CNTN5: variants seen among roughly 807,000 people sequenced by gnomAD.
The protein encoded by CNTN5 is contactin-5.
Under a neutral mutation model 129.1 loss-of-function variants are expected in CNTN5, and 77 were observed. The ratio of observed to expected loss-of-function variants is 0.60; its 90% confidence interval spans 0.50 to 0.72. The LOEUF (loss-of-function observed/expected upper bound fraction) is 0.72. CNTN5 is among the 30% of genes least tolerant of loss of function. The pLI is 0.00. For missense variants in CNTN5, 1,478 were observed against 1,328.8 expected (o/e 1.11, Z -1.75); for synonymous variants, 509 against 465.6 (o/e 1.09, Z -1.20).
intron 1 of CNTN5, among the ~76,000 whole-genome samples, chr11:99,116,990 A>G (rs1203859195): frequency 6.6e-6 from 1 of 152,184 alleles, no homozygotes; most frequent in African/African-American, 2.4e-5. Context: ...GATATACTAT[A>G]TGGCAGTCAA....
Position 100,314,502 on chromosome 11 carries a change from A to G in CNTN5, c.2730+6034A>G, listed in dbSNP as rs368259291. Among the ~76,000 whole-genome samples, 73 of 152,214 alleles carry G rather than the reference A, an allele frequency of 4.8e-4. 3 individuals are homozygous for G. The South Asian group carries it at 8.9e-3, about 19-fold the overall frequency. On this transcript the variant is annotated intron_variant, in intron 21 of 24. Transcript: ENST00000524871. ...TCTGTCAAGTCCATACCCATGTTCC[A>G]CTTTGAAATTGATGACTGTATCCCT... is the stretch of plus-strand genomic sequence containing the variant.
chr11:99,138,578 A>G (rs1251101658), intron 1 of CNTN5, among the ~76,000 whole-genome samples: 1 of 152,198 alleles, frequency 6.6e-6, no homozygotes, highest in African/African-American at 2.4e-5. Context: ...TGCATCAGCT[A>G]CTGAATATTT....
rs538998763 is a variant in CNTN5, at chr11:99,355,822, T to G, written c.-71+30338T>G. ...ATGCATCTGTCATGGTTTTTTTTTG[T>G]TTTTTTTTTTTTTGTTTTTTTTGAG... On this transcript the variant is annotated intron_variant, in intron 2 of 24. Coordinates refer to ENST00000524871, the MANE Select transcript of CNTN5 (RefSeq NM_014361.4). Among the ~76,000 whole-genome samples, 25 of 133,108 alleles carry G rather than the reference T, an allele frequency of 1.9e-4. No homozygotes were observed. In the South Asian group the frequency reaches 5.2e-3, roughly 28 times the overall value. The allele number at this position is 133,108 out of a possible 152,430, so 87.3% of individuals were successfully genotyped here.
chr11:99,986,195 C>G (rs1015839387), intron 8 of CNTN5, among the ~76,000 whole-genome samples: 1 of 152,100 alleles, frequency 6.6e-6, no homozygotes, highest in Non-Finnish European at 1.5e-5. Flanking sequence ...TTATTGTAAA[C>G]TTTCTCCTCT....
Position 99,381,466 on chromosome 11 carries a change from G to C in CNTN5, c.-71+55982G>C, listed in dbSNP as rs180711814. Among the ~76,000 whole-genome samples, 68 of 152,232 alleles carry C rather than the reference G, an allele frequency of 4.5e-4. 1 individual carries two copies. The East Asian group carries it at 8.9e-3, about 20-fold the overall frequency. On this transcript the variant is annotated intron_variant, in intron 2 of 24. Transcript: ENST00000524871. The stretch of plus-strand genomic sequence containing the variant: ...ATGCAATTGGCATTGAACTTGAAAA[G>C]GACAAAGAAATGGCTGTATGCAGAA...
At chr11:99,640,897 T>C (rs569142537) in intron 3 of CNTN5, among the ~76,000 whole-genome samples, 27 of 152,354 alleles carry the variant, frequency 1.8e-4, no homozygotes, top group Middle Eastern at 3.4e-3. Flanking sequence ...AAAACACAAC[T>C]CTTGTTCTCA....
At chr11:100,306,637 A>G (rs1951356526) in intron 20 of CNTN5, among the ~76,000 whole-genome samples, 1 of 151,724 alleles carries the variant, frequency 6.6e-6, no homozygotes, top group Admixed American at 6.6e-5. Flanking sequence ...CAGAAACATC[A>G]ACATTCTTTC....
chr11:100,069,009 G>T (rs569866373), intron 10 of CNTN5, among the ~76,000 whole-genome samples: 56 of 152,242 alleles, frequency 3.7e-4, no homozygotes, highest in Middle Eastern at 3.4e-3. Context: ...TCAGTGTCTA[G>T]GACATGGTAA....
chr11:99,209,881 C>A (rs1017358123), intron 1 of CNTN5, among the ~76,000 whole-genome samples: 1 of 152,040 alleles, frequency 6.6e-6, no homozygotes, highest in African/African-American at 2.4e-5. Context: ...TCTAAAAACC[C>A]AGAATTTAAA....
At chr11:99,861,137 TTAGTAC>T (rs1186986092) in intron 6 of CNTN5, among the ~76,000 whole-genome samples, 2 of 151,950 alleles carry the variant, frequency 1.3e-5, no homozygotes, top group African/African-American at 4.8e-5. Context: ...TTTTGCATTT[TTAGTAC>T]AGACAGGGTT....
intron 20 of CNTN5, among the ~76,000 whole-genome samples, chr11:100,303,698 C>T (rs1264415182): frequency 1.3e-5 from 2 of 151,602 alleles, no homozygotes; most frequent in Admixed American, 6.6e-5. Context: ...ACAATTATCT[C>T]ATTGCAAGTG....
intron 2 of CNTN5, among the ~76,000 whole-genome samples, chr11:99,469,032 A>G (rs1945064531): frequency 6.6e-6 from 1 of 152,176 alleles, no homozygotes; most frequent in Admixed American, 6.5e-5. Flanking sequence ...TGCTATTTAC[A>G]TAAGATTTAG....
At chr11:99,430,019 C>A (rs80177062) in intron 2 of CNTN5, among the ~76,000 whole-genome samples, 9,559 of 151,894 alleles carry the variant, frequency 0.063, 573 homozygotes, top group African/African-American at 0.16. Context: ...GGAAGCTGAG[C>A]TTTAGACCTG....
Position 100,332,152 on chromosome 11 carries a change from T to A in CNTN5, c.2731-8311T>A, listed in dbSNP as rs531730984. ...GTTCAATTAGAAACAAAACAGGAGA[T>A]ATTACAACTGATACCACAGAAATAC... is the stretch of plus-strand genomic sequence containing the variant. On this transcript the variant is annotated intron_variant, in intron 21 of 24. Coordinates refer to ENST00000524871, the MANE Select transcript of CNTN5 (RefSeq NM_014361.4). Among the ~76,000 whole-genome samples, 133 of 152,132 alleles carry A rather than the reference T, an allele frequency of 8.7e-4. 1 individual carries two copies. Among genetic ancestry groups the A allele is most frequent in the Non-Finnish European group, 1.7e-3 (117 of 67,968 alleles).
chr11:99,148,534 G>T lies in CNTN5; in HGVS notation c.-210+127264G>T, dbSNP rs572020017. 2.0e-5 allele frequency among the ~76,000 whole-genome samples: 3 copies of T among 152,236 alleles called. No homozygotes were observed. The South Asian group carries it at 6.2e-4, about 32-fold the overall frequency. ...TGTTTGCCTTATTTGGGCATGGTAT[G>T]GTAATGAATATGCCTTATGTGAAAA... On this transcript the variant is annotated intron_variant, in intron 1 of 24. Transcript: ENST00000524871.
intron 13 of CNTN5, among the ~76,000 whole-genome samples, chr11:100,150,657 T>G (rs139487364): frequency 1.3e-4 from 20 of 151,852 alleles, no homozygotes; most frequent in African/African-American, 4.3e-4. Context: ...ACTCGGAAAA[T>G]CAGTAAAATG....
intron 15 of CNTN5, among the ~76,000 whole-genome samples, chr11:100,215,786 T>C (rs560020808): frequency 6.6e-6 from 1 of 152,194 alleles, no homozygotes; most frequent in Admixed American, 6.5e-5. Context: ...AGAGAGGTTG[T>C]GGATTACAGG....
At chr11:99,904,357 G>A (rs752457629) in intron 6 of CNTN5, among the ~76,000 whole-genome samples, 1 of 150,832 alleles carries the variant, frequency 6.6e-6, no homozygotes, top group Non-Finnish European at 1.5e-5. Context: ...TGTTCTCATT[G>A]TTCAACTTCC....
At chr11:99,257,339 T>C (rs1247928350) in intron 1 of CNTN5, among the ~76,000 whole-genome samples, 1 of 152,120 alleles carries the variant, frequency 6.6e-6, no homozygotes, top group Non-Finnish European at 1.5e-5. Flanking sequence ...TGCTCAACGT[T>C]GCACAACCTC....
Sources: allele counts gnomAD v4.1 joint callset (sites outside exome capture counted in the v4.1 genomes callset), GRCh38; gene constraint gnomAD v4.1.1; transcripts MANE v1.5; gene names NCBI Gene and HGNC (gene_info 2026-07-23, HGNC 2026-07-21).